The following ITIH3 variants were observed in gnomAD, a reference collection of about 807,000 sequenced individuals.
ITIH3 encodes inter-alpha-trypsin inhibitor heavy chain H3.
Under a neutral mutation model 96.5 loss-of-function variants are expected in ITIH3, and 81 were observed. That is an observed-to-expected ratio of 0.84 (90% CI 0.70 to 1.01). ITIH3 has a LOEUF of 1.01. ITIH3 is among the 50% of genes least tolerant of loss of function. The pLI is 0.00. For missense variants in ITIH3, 1,057 were observed against 1,139.3 expected (o/e 0.93, Z 1.04); for synonymous variants, 422 against 445.2 (o/e 0.95, Z 0.66).
At chr3:52,799,594 G>C (rs893881783) in intron 8 of ITIH3, 106 bp downstream of exon 8, 4 of 1,073,786 alleles carry the variant, frequency 3.7e-6, no homozygotes, top group Non-Finnish European at 4.0e-6. Context: ...GAGGAGAAAG[G>C]GGACAGGATA....
intron 2 of ITIH3, chr3:52,795,887 G>T (rs1353582934): frequency 2.0e-6 from 1 of 488,508 alleles, no homozygotes; most frequent in Non-Finnish European, 3.6e-6. Flanking sequence ...CTTAGCACTT[G>T]CTGGTACCTG....
intron 6 of ITIH3, 106 bp from the exon 7 acceptor site, chr3:52,798,860 C>T: frequency 1.4e-6 from 2 of 1,405,692 alleles, no homozygotes; most frequent in Non-Finnish European, 2.0e-6. Context: ...CTGCCAAGGG[C>T]TCCTCCCTGT....
chr3:52,804,069 G>C, intron 14 of ITIH3, 60 bp downstream of exon 14: 1 of 1,559,076 alleles, frequency 6.4e-7, no homozygotes, highest in Non-Finnish European at 8.7e-7. Flanking sequence ...CCCTACCTGG[G>C]TGTCCAGTGG....
At chr3:52,804,782 A>C in intron 15 of ITIH3, 48 bp downstream of exon 15, 7 of 1,573,660 alleles carry the variant, frequency 4.4e-6, no homozygotes, top group Non-Finnish European at 6.0e-6. Context: ...AAGGGAGACA[A>C]GAGAGAACTG....
intron 4 of ITIH3, 31 bp downstream of exon 4, chr3:52,796,874 A>G (rs1699607620): frequency 1.4e-6 from 2 of 1,480,892 alleles, no homozygotes; most frequent in South Asian, 1.3e-5. Flanking sequence ...CTTGGGGAGA[A>G]TGTCTGGGAT....
chr3:52,795,520 C>T (rs1699546051), intron 1 of ITIH3, 83 bp from the exon 2 acceptor site: 1 of 1,483,728 alleles, frequency 6.7e-7, no homozygotes, highest in Admixed American at 2.0e-5. Flanking sequence ...CCCCTGGTCT[C>T]AGCCCAGAGC....
intron 17 of ITIH3, 74 bp from the exon 18 acceptor site, chr3:52,806,219 G>A: frequency 1.9e-6 from 3 of 1,598,512 alleles, no homozygotes; most frequent in Non-Finnish European, 2.6e-6. Context: ...GCCCATGGAG[G>A]CCAGAAGGCT....
chr3:52,803,852 C>A lies in ITIH3; in HGVS notation c.1710-3C>A, dbSNP rs752621207. ...TGTCCTCCTGACTGGCCCCTCCTCACAGCAAGAACGCCCATGGCGAGGAGA... is the reference window on the plus strand; with the variant it reads ...TGTCCTCCTGACTGGCCCCTCCTCAAAGCAAGAACGCCCATGGCGAGGAGA... On this transcript the variant is annotated splice_polypyrimidine_tract_variant and splice_region_variant and intron_variant, in intron 13 of 21. Transcript: ENST00000449956. 6.2e-7 allele frequency: 1 copy of A among 1,613,886 alleles called. No individual in the cohort carries two copies. Among genetic ancestry groups the A allele is most frequent in the South Asian group, 1.1e-5 (1 of 91,046 alleles).
chr3:52,803,322 ATTATTTTTTT>A (rs1699915273), intron 13 of ITIH3, among the ~76,000 whole-genome samples: 6 of 99,382 alleles, frequency 6.0e-5, no homozygotes, highest in African/African-American at 4.4e-4. Flanking sequence ...TTTTATTATT[ATTATTTTTTT>A]TTTTGAGACG....
chr3:52,802,680 T>C lies in ITIH3; in HGVS notation c.1583T>C (p.Leu528Pro), dbSNP rs1699881847. Reference protein sequence around the residue: ...DVKGHGATNDLTFTEEVDMKE... With the variant: ...DVKGHGATNDPTFTEEVDMKE... Reference sequence around the variant, plus strand: ...CCCCCACCCTAGGCCACCAACGACCTGACCTTCACAGAGGAGGTGGACATG... The same window carrying C: ...CCCCCACCCTAGGCCACCAACGACCCGACCTTCACAGAGGAGGTGGACATG... Residue 528 changes from leucine (L) to proline (P), a missense_variant, in exon 13 of 22, where the codon CTG becomes CCG. Leu to Pro is a moderately conservative substitution (Grantham distance 98). Coordinates refer to ENST00000449956, the MANE Select transcript of ITIH3 (RefSeq NM_002217.4). The C allele has an allele frequency of 6.2e-7, 1 of 1,613,884 alleles. No homozygotes were observed. The highest frequency in any genetic ancestry group is 2.2e-5 in the East Asian group (1 of 44,866).
At position 52,800,610 on chromosome 3, in the gene ITIH3, C is replaced by T. The variant is rs201231777; in HGVS notation, c.1148C>T (p.Pro383Leu). 2.2e-4 allele frequency: 346 copies of T among 1,582,250 alleles called. No homozygotes were observed. The highest frequency in any genetic ancestry group is 2.9e-4 in the Non-Finnish European group (337 of 1,164,102). The part of the protein sequence containing the change: ...LNKAREEHRI[P>L]ERSTSIVIML... ...AAGGCCCGAGAGGAGCACAGAATCC[C>T]AGAGAGGAGCACCTCCATTGTCATC... The change falls in exon 10 of 22, where the codon CCA becomes CTA. Residue 383 changes from proline to leucine, a missense_variant. By Grantham distance (98) the Pro-to-Leu change is moderately conservative (BLOSUM62 -3). Transcript: ENST00000449956.
chr3:52,804,508 T>C (rs553095096), intron 14 of ITIH3: 6 of 566,812 alleles, frequency 1.1e-5, no homozygotes, highest in East Asian at 3.1e-5. Context: ...AGGATTGGCA[T>C]TGGGAGACAT....
At chr3:52,808,444 TG>T in intron 21 of ITIH3, 107 bp from the exon 22 acceptor site, 2 of 1,450,386 alleles carry the variant, frequency 1.4e-6, no homozygotes, top group Non-Finnish European at 1.9e-6. Flanking sequence ...CAAAGAATTC[TG>T]GGCTGTTAGA....
chr3:52,795,241 G>A (rs1353407779), intron 1 of ITIH3, among the ~76,000 whole-genome samples: 1 of 152,238 alleles, frequency 6.6e-6, no homozygotes, highest in Non-Finnish European at 1.5e-5. Flanking sequence ...GGTGTGGCGG[G>A]GGCAGGGGTG....
intron 13 of ITIH3, 34 bp downstream of exon 13, chr3:52,802,840 C>T: frequency 1.2e-6 from 2 of 1,611,556 alleles, no homozygotes; most frequent in Non-Finnish European, 8.5e-7. Context: ...CTGTGCCTAC[C>T]CCTGGCTGGG....
chr3:52,801,113 T>G lies in ITIH3; in HGVS notation c.1350T>G (p.Ile450Met). Residue 450 changes from isoleucine to methionine, a missense_variant, in exon 11 of 22, where the codon ATT becomes ATG. Transcript: ENST00000449956. ...AGAACCATGGGTTTGCCCGGCGCAT[T>G]TATGAGGACTCTGATGCCGATTTGC... ...ALENHGFARRIYEDSDADLQL... is the reference protein window; with the variant it reads ...ALENHGFARRMYEDSDADLQL... The G allele has an allele frequency of 1.9e-6, 3 of 1,595,242 alleles. No homozygotes were observed. The highest frequency in any genetic ancestry group is 2.6e-6 in the Non-Finnish European group (3 of 1,170,832).
intron 10 of ITIH3, 145 bp downstream of exon 10, chr3:52,800,808 C>T: frequency 1.4e-6 from 2 of 1,448,168 alleles, no homozygotes; most frequent in Non-Finnish European, 1.9e-6. Flanking sequence ...AGGGTCCTGC[C>T]TCCCTCTGCC....
chr3:52,806,104 C>T lies in ITIH3; in HGVS notation c.1908C>T (p.Thr636=). ...CCCTCTCTCCCTTTGTATCTGCAGC[C>T]AGCTACCAGCCTCCTCAAAACCCCT... The part of the protein sequence containing the change: ...TPVSPAMSYL[T]SYQPPQNPYY... Residue 636 remains threonine, a splice_region_variant and synonymous_variant, in exon 17 of 22, where the codon ACC becomes ACT. Transcript: ENST00000449956. The T allele has an allele frequency of 6.3e-7, 1 of 1,599,816 alleles. No homozygotes were observed.
chr3:52,796,351 C>T, intron 2 of ITIH3, 130 bp from the exon 3 acceptor site: 1 of 728,834 alleles, frequency 1.4e-6, no homozygotes, highest in Non-Finnish European at 2.3e-6. Flanking sequence ...TGTAGAAGAC[C>T]TGGAGGATGA....
Sources: gnomAD v4.1 joint callset for allele counts (sites outside exome capture counted in the v4.1 genomes callset) on GRCh38, gnomAD v4.1.1 for gene constraint, MANE v1.5 for transcripts, NCBI Gene and HGNC (gene_info 2026-07-23, HGNC 2026-07-21) for gene names.